Variants in ACOXL observed in about 807,000 individuals in gnomAD.
The protein encoded by ACOXL is acyl-coenzyme A oxidase-like protein.
In ACOXL, 70 loss-of-function variants were observed where a neutral mutation model predicts 71.9. The observed-to-expected ratio is 0.97, with a 90% CI of 0.80 to 1.19. ACOXL has a LOEUF of 1.19. Among genes scored for constraint, ACOXL ranks in the 50% most tolerant of loss-of-function variants. ACOXL has a pLI of 0.00. For synonymous variants in ACOXL, 253 were observed against 281.6 expected, an observed-to-expected ratio of 0.90 and a Z score of 1.02; for missense variants, 703 against 736.3, an observed-to-expected ratio of 0.95 and a Z score of 0.52.
At chr2:110,965,368 T>C (rs1341810629) in intron 12 of ACOXL, among the ~76,000 whole-genome samples, 1 of 152,152 alleles carries the variant, frequency 6.6e-6, no homozygotes, top group Admixed American at 6.5e-5. Flanking sequence ...GATCGTAGGG[T>C]AGTTCTATTT....
At chr2:110,952,801 T>C (rs886144507) in intron 12 of ACOXL, among the ~76,000 whole-genome samples, 3 of 152,216 alleles carry the variant, frequency 2.0e-5, no homozygotes, top group African/African-American at 7.2e-5. Flanking sequence ...CCTCCTATAG[T>C]ATCTTAATTT....
chr2:110,785,301 T>C (rs1683818588), intron 3 of ACOXL, among the ~76,000 whole-genome samples: 1 of 151,964 alleles, frequency 6.6e-6, no homozygotes, highest in Non-Finnish European at 1.5e-5. Context: ...AATCAGGAAA[T>C]CAATATTAGT....
chr2:110,960,625 C>T (rs2061666391), intron 12 of ACOXL, among the ~76,000 whole-genome samples: 1 of 151,730 alleles, frequency 6.6e-6, no homozygotes, highest in Non-Finnish European at 1.5e-5. Flanking sequence ...CACCCATTTA[C>T]CTTCCACCTT....
chr2:110,805,297 T>A lies in ACOXL; in HGVS notation c.655T>A (p.Ser219Thr), dbSNP rs745564973. Residue 219 changes from serine to threonine, a missense_variant, in exon 9 of 18, where the codon TCG becomes ACG. Physicochemically the swap from Ser to Thr is moderately conservative, Grantham distance 58 (BLOSUM62 1). Transcript: ENST00000439055. ...GSVAPDGQYH[S>T]PIRNKSARFN... ...CGTGGCTCCAGATGGACAGTACCAT[T>A]CGCCTATTAGGAACAAGAGTGCAAG... 4.3e-6 allele frequency: 7 copies of A among 1,614,136 alleles called. No homozygotes were observed. In the East Asian group the frequency reaches 1.6e-4, roughly 36 times the overall value.
intron 14 of ACOXL, among the ~76,000 whole-genome samples, chr2:111,014,520 A>G (rs1330305390): frequency 6.6e-6 from 1 of 152,180 alleles, no homozygotes; most frequent in African/African-American, 2.4e-5. Flanking sequence ...TGTATGGGAA[A>G]ACTCCACATT....
intron 9 of ACOXL, among the ~76,000 whole-genome samples, chr2:110,822,210 G>A (rs1688694438): frequency 6.6e-6 from 1 of 152,062 alleles, no homozygotes; most frequent in Admixed American, 6.5e-5. Context: ...TGTGTGTAAA[G>A]CAACCTGTGT....
intron 10 of ACOXL, among the ~76,000 whole-genome samples, chr2:110,893,041 T>C (rs995611033): frequency 2.6e-5 from 4 of 152,142 alleles, no homozygotes; most frequent in African/African-American, 9.7e-5. Context: ...CAGAGTAACA[T>C]AGGCAAAGTA....
intron 2 of ACOXL, among the ~76,000 whole-genome samples, chr2:110,783,615 A>ACACACACACACACACTTG (rs1683593338): frequency 7.9e-6 from 1 of 126,890 alleles, no homozygotes. Context: ...AGAAACACAG[A>ACACACACACACACACTTG]CACACACACA....
chr2:110,865,724 G>C (rs539073839), intron 10 of ACOXL, among the ~76,000 whole-genome samples: 5 of 152,172 alleles, frequency 3.3e-5, no homozygotes, highest in Non-Finnish European at 5.9e-5. Context: ...GTTTCCAGAC[G>C]ATTTACATGC....
At chr2:110,982,014 C>A (rs2062726481) in intron 12 of ACOXL, among the ~76,000 whole-genome samples, 1 of 152,206 alleles carries the variant, frequency 6.6e-6, no homozygotes, top group African/African-American at 2.4e-5. Context: ...ACTGAAACAA[C>A]AACAAAACTA....
At chr2:111,019,153 C>A (rs183189846) in intron 14 of ACOXL, among the ~76,000 whole-genome samples, 2 of 152,318 alleles carry the variant, frequency 1.3e-5, no homozygotes, top group African/African-American at 4.8e-5. Context: ...GAAACAAGAT[C>A]TTTCTAGCTG....
At chr2:110,751,157 C>T (rs1393199314) in intron 1 of ACOXL, among the ~76,000 whole-genome samples, 2 of 151,908 alleles carry the variant, frequency 1.3e-5, no homozygotes, top group Admixed American at 6.6e-5. Context: ...AAAAATTAGC[C>T]AGGCATTGTA....
rs566845260 is a variant in ACOXL at position 110,803,053 on chromosome 2, A to C, written c.620+1329A>C. 4.6e-5 allele frequency among the ~76,000 whole-genome samples: 7 copies of C among 152,346 alleles called. No individual in the cohort carries two copies. The South Asian group carries it at 1.2e-3, about 27-fold the overall frequency. ...AGCAAAAAGAAAAAGAAAAAAACTT[A>C]AAATGGACCAAATTCTGCTTAACAT... On this transcript the variant is annotated intron_variant, in intron 8 of 17. Coordinates refer to ENST00000439055, the MANE Select transcript of ACOXL (RefSeq NM_001142807.4).
In ACOXL at chr2:110,987,139, C is replaced by T. The variant is rs949573760; in HGVS notation, c.1091C>T (p.Thr364Ile). The T allele has an allele frequency of 7.0e-6, 11 of 1,575,630 alleles. No individual in the cohort carries two copies. The highest frequency in any genetic ancestry group is 9.5e-6 in the Non-Finnish European group (11 of 1,157,528). Residue 364 changes from threonine (T) to isoleucine (I), a missense_variant, in exon 13 of 18, where the codon ACC becomes ATC. Coordinates refer to ENST00000439055, the MANE Select transcript of ACOXL (RefSeq NM_001142807.4). ...VVGRELLAQY[T>I]KQYEEKPLFG... ...GGGCGGGAACTGCTGGCCCAATACA[C>T]CAAACAGTATGAAGAAAAACCACTC...
chr2:111,098,590 A>G (rs921858331), intron 17 of ACOXL: 4 of 152,240 alleles, frequency 2.6e-5, no homozygotes, highest in African/African-American at 9.6e-5. Context: ...GAACATGAGT[A>G]GAAAAACTGG....
At chr2:111,051,622 C>G (rs549248702) in intron 16 of ACOXL, among the ~76,000 whole-genome samples, 2 of 152,126 alleles carry the variant, frequency 1.3e-5, no homozygotes, top group Non-Finnish European at 2.9e-5. Flanking sequence ...GTGTCTGCCA[C>G]CATGCCTGGC....
chr2:111,025,103 T>A (rs575976795), intron 14 of ACOXL, among the ~76,000 whole-genome samples: 5 of 152,092 alleles, frequency 3.3e-5, no homozygotes, highest in African/African-American at 4.8e-5. Context: ...AAACTACTTA[T>A]CTTTCTTTCA....
intron 10 of ACOXL, among the ~76,000 whole-genome samples, chr2:110,862,932 A>G (rs1383249626): frequency 1.3e-5 from 2 of 152,168 alleles, no homozygotes; most frequent in African/African-American, 4.8e-5. Flanking sequence ...AGCAGCTACC[A>G]CCTTCAATGC....
rs140279112 is a variant in ACOXL, at chr2:110,901,491, G to A, written c.789-7298G>A. ...TGGTTGGATTGATAGACTGTTGAGG[G>A]TTGGGAGGAAAAGAGGTGATGAGAA... is the stretch of plus-strand genomic sequence containing the variant. On this transcript the variant is annotated intron_variant, in intron 10 of 17. Transcript: ENST00000439055. Among the ~76,000 whole-genome samples the A allele has an allele frequency of 2.0e-3, 308 of 152,278 alleles. 2 individuals are homozygous for A. The highest frequency in any genetic ancestry group is 7.2e-3 in the African/African-American group (299 of 41,562).
Sources: gnomAD v4.1 joint callset for allele counts (sites outside exome capture counted in the v4.1 genomes callset) on GRCh38, gnomAD v4.1.1 for gene constraint, MANE v1.5 for transcripts, NCBI Gene and HGNC (gene_info 2026-07-23, HGNC 2026-07-21) for gene names.